The following BLTP2 variants were observed in gnomAD, a reference collection of about 807,000 sequenced individuals.
BLTP2 encodes the protein bridge-like lipid transfer protein family member 2.
At chr17:28,615,541 C>T in the BLTP2 span, 5 of 1,219,558 alleles carry the variant, frequency 4.1e-6, no homozygotes, top group Non-Finnish European at 5.8e-6. Flanking sequence ...AGAAGCCACT[C>T]ACTTCATGCA....
the BLTP2 span, among the ~76,000 whole-genome samples, chr17:28,634,272 A>G: frequency 3.3e-5 from 5 of 152,312 alleles, no homozygotes; most frequent in East Asian, 9.6e-4. Context: ...TTAAGGGCAT[A>G]GCACTGAGAT....
the BLTP2 span, chr17:28,631,459 G>T: frequency 1.9e-6 from 3 of 1,607,444 alleles, no homozygotes; most frequent in Non-Finnish European, 1.7e-6. Flanking sequence ...AGGTAATAAA[G>T]AAAGTGTGTC....
the BLTP2 span, chr17:28,633,956 C>A: frequency 1.9e-6 from 3 of 1,614,150 alleles, no homozygotes; most frequent in Non-Finnish European, 2.5e-6. Context: ...CGTTACCCCA[C>A]GGAAGCCCCA....
the BLTP2 span, chr17:28,635,503 G>A: frequency 6.2e-7 from 1 of 1,614,114 alleles, no homozygotes; most frequent in Non-Finnish European, 8.5e-7. Context: ...AGGAAACACA[G>A]TGGCTCTTAG....
the BLTP2 span, chr17:28,632,170 C>G: frequency 6.2e-7 from 1 of 1,614,084 alleles, no homozygotes; most frequent in Non-Finnish European, 8.5e-7. Flanking sequence ...GACACTTGTC[C>G]AAGTTGCCCA....
chr17:28,644,850 G>A, the BLTP2 span: 2 of 668,286 alleles, frequency 3.0e-6, no homozygotes, highest in African/African-American at 1.9e-5. Flanking sequence ...CCCTCGCCGC[G>A]CGCCCCCTCC....
At chr17:28,638,095 C>A in the BLTP2 span, 1 of 1,613,254 alleles carries the variant, frequency 6.2e-7, no homozygotes, top group Non-Finnish European at 8.5e-7. Flanking sequence ...TATAGCTACC[C>A]TAGAGAAGAA....
the BLTP2 span, chr17:28,616,526 G>A: frequency 4.3e-5 from 69 of 1,614,026 alleles, no homozygotes; most frequent in African/African-American, 8.7e-4. The surrounding 1 kb of genome is among the most constrained non-coding windows in gnomAD (Gnocchi z 4.8). Flanking sequence ...AAAAGCAAGT[G>A]TACCAGCTGT....
At chr17:28,636,902 CAGAG>C in the BLTP2 span, 1 of 1,198,240 alleles carries the variant, frequency 8.3e-7, no homozygotes, top group East Asian at 2.4e-5. Flanking sequence ...AAAAAAAAGA[CAGAG>C]AAAGGCTCTA....
chr17:28,615,394 C>A, the BLTP2 span: 3 of 812,922 alleles, frequency 3.7e-6, no homozygotes, highest in East Asian at 8.0e-5. Context: ...TTTCAAGAAG[C>A]TTACAGTCTA....
the BLTP2 span, chr17:28,634,147 T>C: frequency 7.0e-7 from 1 of 1,432,794 alleles, no homozygotes; most frequent in East Asian, 2.3e-5. Context: ...CTCTCGGGCC[T>C]ATCTTTTTCC....
the BLTP2 span, among the ~76,000 whole-genome samples, chr17:28,617,671 G>A: frequency 6.6e-6 from 1 of 152,200 alleles, no homozygotes; most frequent in Non-Finnish European, 1.5e-5. Flanking sequence ...AGCTAGACAT[G>A]AAAGATTATT....
chr17:28,644,869 T>G, the BLTP2 span: 3 of 498,478 alleles, frequency 6.0e-6, no homozygotes, highest in East Asian at 6.7e-5. Context: ...CCCTCCACCC[T>G]ACCCACTCTG....
the BLTP2 span, chr17:28,639,202 A>T: frequency 9.6e-7 from 1 of 1,038,338 alleles, no homozygotes; most frequent in Non-Finnish European, 1.5e-6. Flanking sequence ...TGAGACTCGG[A>T]TTTGAGGAGG....
At chr17:28,628,654 GC>G in the BLTP2 span, 1 of 1,026,234 alleles carries the variant, frequency 9.7e-7, no homozygotes, top group Non-Finnish European at 1.4e-6. Context: ...AAACCTGTTG[GC>G]CAGATGCCAT....
the BLTP2 span, chr17:28,638,046 G>A: frequency 1.9e-6 from 3 of 1,614,204 alleles, no homozygotes; most frequent in Non-Finnish European, 2.5e-6. Flanking sequence ...TCAAGAAAAA[G>A]GGTATCTGAC....
the BLTP2 span, chr17:28,634,539 C>T: frequency 6.2e-7 from 1 of 1,613,876 alleles, no homozygotes. Context: ...TGACATTGCA[C>T]TTGAGCATTC....
the BLTP2 span, chr17:28,619,515 G>T: frequency 9.7e-7 from 1 of 1,030,468 alleles, no homozygotes; most frequent in Non-Finnish European, 1.4e-6. Context: ...TTCTTATTCA[G>T]GAAGAGATGT....
At chr17:28,633,498 G>C in the BLTP2 span, 1 of 1,596,176 alleles carries the variant, frequency 6.3e-7, no homozygotes, top group Non-Finnish European at 8.6e-7. Context: ...GTGCTATACA[G>C]ACCTCAACCA....
Sources: allele counts gnomAD v4.1 joint callset (sites outside exome capture counted in the v4.1 genomes callset), GRCh38; gene constraint gnomAD v4.1.1; non-coding constraint Gnocchi (gnomAD v3.1); transcripts MANE v1.5; gene names NCBI Gene and HGNC (gene_info 2026-07-23, HGNC 2026-07-21).